Variants in HECW1 observed in about 807,000 individuals in gnomAD.
The protein encoded by HECW1 is E3 ubiquitin-protein ligase HECW1.
In HECW1, 61 loss-of-function variants were observed where a neutral mutation model predicts 182.3. That is an observed-to-expected ratio of 0.33 (90% CI 0.27 to 0.41). The LOEUF (loss-of-function observed/expected upper bound fraction) is 0.41, where lower values mean the gene tolerates loss of function less well. HECW1 is among the 10% of genes least tolerant of loss of function. The probability of loss-of-function intolerance (pLI) is 1.00; values close to 1 mark genes in which losing one functional copy is unlikely to be tolerated. For missense variants in HECW1, 1,739 were observed against 2,108.9 expected, an observed-to-expected ratio of 0.82 and a Z score of 3.44; for synonymous variants, 859 against 832.6, an observed-to-expected ratio of 1.03 and a Z score of -0.55.
At chr7:43,525,340 C>T (rs2080714367) in intron 24 of HECW1, among the ~76,000 whole-genome samples, 1 of 152,138 alleles carries the variant, frequency 6.6e-6, no homozygotes, top group Admixed American at 6.5e-5. Flanking sequence ...ATAGAATGGA[C>T]AGAATCAATA....
chr7:43,307,925 CACAT>C (rs2152768462), intron 3 of HECW1, among the ~76,000 whole-genome samples: 1 of 135,668 alleles, frequency 7.4e-6, no homozygotes. Flanking sequence ...TATACACACA[CACAT>C]ATAGTGAAAT....
intron 8 of HECW1, among the ~76,000 whole-genome samples, chr7:43,419,642 T>C (rs1239144003): frequency 6.6e-6 from 1 of 152,192 alleles, no homozygotes; most frequent in South Asian, 2.1e-4. Flanking sequence ...AAAAAGACTT[T>C]GATAAAATTT....
intron 24 of HECW1, among the ~76,000 whole-genome samples, chr7:43,521,379 G>T (rs2080466791): frequency 6.6e-6 from 1 of 152,168 alleles, no homozygotes. Context: ...AAATCACTCT[G>T]TTGAGAATCA....
At chr7:43,195,439 G>A (rs1794366434) in intron 2 of HECW1, among the ~76,000 whole-genome samples, 1 of 152,152 alleles carries the variant, frequency 6.6e-6, no homozygotes, top group Admixed American at 6.5e-5. Context: ...TGCCCACACA[G>A]CCACAGGGCG....
At chr7:43,260,666 T>C (rs1222539166) in intron 3 of HECW1, among the ~76,000 whole-genome samples, 1 of 152,096 alleles carries the variant, frequency 6.6e-6, no homozygotes, top group East Asian at 1.9e-4. Flanking sequence ...GTTGATGGTA[T>C]CTGTGAAGAT....
rs144332129 is a variant in HECW1 at position 43,162,575 on chromosome 7, T to A, written c.-32+48184T>A. Among the ~76,000 whole-genome samples, 372 of 152,356 alleles carry A rather than the reference T, an allele frequency of 2.4e-3. 2 individuals carry two copies. Among genetic ancestry groups the A allele is most frequent in the Non-Finnish European group, 3.7e-3 (249 of 68,032 alleles). ...CTTGACTCAATTACATATGCACCCTTTTCCCAGATAAGGTCATATTCACAG... is the reference window on the plus strand; with the variant it reads ...CTTGACTCAATTACATATGCACCCTATTCCCAGATAAGGTCATATTCACAG... On this transcript the variant is annotated intron_variant, in intron 2 of 29. Transcript: ENST00000395891.
intron 8 of HECW1, among the ~76,000 whole-genome samples, chr7:43,425,367 G>A (rs755102527): frequency 2.0e-5 from 3 of 146,638 alleles, no homozygotes; most frequent in African/African-American, 5.0e-5. Context: ...GTCTCAATTC[G>A]GTAGGGTATC....
intron 4 of HECW1, among the ~76,000 whole-genome samples, chr7:43,314,574 A>G (rs919130047): frequency 6.6e-6 from 1 of 152,214 alleles, no homozygotes; most frequent in Non-Finnish European, 1.5e-5. Flanking sequence ...CCATGAATGA[A>G]TAAGATCTGG....
chr7:43,228,237 G>A (rs1350221132), intron 2 of HECW1, among the ~76,000 whole-genome samples: 1 of 151,994 alleles, frequency 6.6e-6, no homozygotes, highest in African/African-American at 2.4e-5. Context: ...TGTAATCCCA[G>A]CACTTTGGGA....
chr7:43,294,930 TA>T (rs1805851653), intron 3 of HECW1, among the ~76,000 whole-genome samples: 1 of 152,274 alleles, frequency 6.6e-6, no homozygotes, highest in African/African-American at 2.4e-5. Context: ...TCTATATGTG[TA>T]AGATGTACAT....
chr7:43,534,778 A>G (rs1439939842), intron 24 of HECW1, among the ~76,000 whole-genome samples: 1 of 152,232 alleles, frequency 6.6e-6, no homozygotes, highest in African/African-American at 2.4e-5. Flanking sequence ...GTTTGTAAGC[A>G]GAGCAGAAGT....
chr7:43,457,941 G>A (rs1366938913), intron 13 of HECW1, among the ~76,000 whole-genome samples: 1 of 152,098 alleles, frequency 6.6e-6, no homozygotes, highest in Non-Finnish European at 1.5e-5. Flanking sequence ...ATCAGCAGCC[G>A]AGTGTTTTAA....
At chr7:43,399,227 A>G (rs1439782616) in intron 7 of HECW1, among the ~76,000 whole-genome samples, 2 of 152,190 alleles carry the variant, frequency 1.3e-5, no homozygotes, top group African/African-American at 4.8e-5. Context: ...ACCATAAACT[A>G]AGTTCCTCCC....
At chr7:43,224,141 G>T (rs1400086441) in intron 2 of HECW1, among the ~76,000 whole-genome samples, 2 of 152,214 alleles carry the variant, frequency 1.3e-5, no homozygotes, top group African/African-American at 4.8e-5. Context: ...TTTAGTCACT[G>T]CTGTCTTCTG....
At chr7:43,128,936 G>A (rs1212889612) in intron 2 of HECW1, among the ~76,000 whole-genome samples, 2 of 151,954 alleles carry the variant, frequency 1.3e-5, no homozygotes, top group African/African-American at 2.4e-5. Context: ...TGGAAATGGA[G>A]CATGATGATG....
At chr7:43,315,986 A>G (rs1183395199) in intron 4 of HECW1, among the ~76,000 whole-genome samples, 1 of 152,148 alleles carries the variant, frequency 6.6e-6, no homozygotes, top group Non-Finnish European at 1.5e-5. Flanking sequence ...TCACTTGCTC[A>G]TTCCACTCTT....
chr7:43,181,416 A>G (rs1029449231), intron 2 of HECW1, among the ~76,000 whole-genome samples: 1 of 150,946 alleles, frequency 6.6e-6, no homozygotes, highest in Non-Finnish European at 1.5e-5. Flanking sequence ...GAGGAACCTC[A>G]ACACTGTTTT....
intron 24 of HECW1, among the ~76,000 whole-genome samples, chr7:43,539,268 C>T (rs970105607): frequency 1.3e-5 from 2 of 152,146 alleles, no homozygotes; most frequent in Admixed American, 1.3e-4. Context: ...TATGGTAGCT[C>T]ACAATGATGA....
At chr7:43,554,814 G>C (rs149756051) in intron 29 of HECW1, 24 bp downstream of exon 29, 1 of 1,602,628 alleles carries the variant, frequency 6.2e-7, no homozygotes, top group Non-Finnish European at 8.5e-7. Context: ...GCCAGCCTTC[G>C]GGGAAACCTG....
Sources: gnomAD v4.1 joint callset for allele counts (sites outside exome capture counted in the v4.1 genomes callset) on GRCh38, gnomAD v4.1.1 for gene constraint, MANE v1.5 for transcripts, NCBI Gene and HGNC (gene_info 2026-07-23, HGNC 2026-07-21) for gene names.